The following PNCK variants were observed in gnomAD, a reference collection of about 807,000 sequenced individuals.
PNCK encodes calcium/calmodulin-dependent protein kinase type 1B.
Under a neutral mutation model 28.3 loss-of-function variants are expected in PNCK, and 21 were observed. The observed-to-expected ratio is 0.74, with a 90% CI of 0.53 to 1.07. The LOEUF is 1.07. PNCK is among the 50% of genes least tolerant of loss of function. PNCK has a pLI of 0.00. For synonymous variants in PNCK, 136 were observed against 125.2 expected (o/e 1.09, Z -0.58); for missense variants, 250 against 298.3 (o/e 0.84, Z 1.19).
intron 1 of PNCK, chrX:153,686,397 T>C (rs1238416453): frequency 9.0e-6 from 1 of 110,876 alleles, no homozygotes; most frequent in Non-Finnish European, 1.9e-5. Flanking sequence ...GGCCGTGGCC[T>C]GCACTCTCCC....
intron 1 of PNCK, among the ~76,000 whole-genome samples, chrX:153,680,961 G>A (rs1181792709): frequency 2.8e-5 from 3 of 106,680 alleles, no homozygotes; most frequent in Admixed American, 9.9e-5. Context: ...CCCAGGAGGC[G>A]GAGGTTGCAG....
rs782717085 is a variant in PNCK, at chrX:153,672,179, G to A, written c.222C>T (p.Val74=). 7 of 1,204,378 alleles carry A rather than the reference G, an allele frequency of 5.8e-6. No individual in the cohort carries two copies. Among genetic ancestry groups the A allele is most frequent in the South Asian group, 3.6e-5 (2 of 55,522 alleles). ...GGCTCTCGTGGACATCCTCCAGAGC[G>A]ACGATGTTGGGGTGACTGATCCTGC... ...VLRRISHPNI[V]ALEDVHESPS... The change falls in exon 4 of 12, where the codon GTC becomes GTT. Residue 74 remains valine (V), a synonymous_variant. Coordinates refer to ENST00000340888, the MANE Select transcript of PNCK (RefSeq NM_001366977.1).
upstream of PNCK, among the ~76,000 whole-genome samples, chrX:153,676,878 A>C (rs2091368632): frequency 9.1e-6 from 1 of 110,057 alleles, no homozygotes; most frequent in African/African-American, 3.3e-5. Context: ...AAAAAAAAAA[A>C]AGAAAGAAAG....
At position 153,671,307 on chromosome X, in the gene PNCK, G is replaced by C. The variant is rs2091295590; in HGVS notation, c.592C>G (p.Leu198Val). 7.4e-6 allele frequency: 9 copies of C among 1,210,590 alleles called. No individual in the cohort carries two copies. In the East Asian group the frequency reaches 2.1e-4, roughly 28 times the overall value. ...PYGKAVDVWALGVISYILLCG... is the reference protein window; with the variant it reads ...PYGKAVDVWAVGVISYILLCG... Reference sequence around the variant, plus strand: ...CACAGGATGTAGGAGATGACGCCCAGGGCCCACACATCTACGGCCTTCCCG... The same window carrying C: ...CACAGGATGTAGGAGATGACGCCCACGGCCCACACATCTACGGCCTTCCCG... The change falls in exon 7 of 12, where the codon CTG (leucine) becomes GTG (valine). Residue 198 changes from leucine to valine, a missense_variant. Transcript: ENST00000340888.
upstream of PNCK, among the ~76,000 whole-genome samples, chrX:153,677,091 C>T (rs944438631): frequency 2.3e-4 from 25 of 110,528 alleles, no homozygotes; most frequent in Admixed American, 1.9e-4. Context: ...AGGCACCCGC[C>T]ACCACGCTGG....
chrX:153,670,433 G>T lies in PNCK; in HGVS notation c.*7+17C>A. ...AAGGAGCCAGCTCCTGGGCGTGCAG[G>T]GTCCACCCAAACACACCTGGGCATC... On this transcript the variant is annotated intron_variant, in intron 11 of 11. Coordinates refer to ENST00000340888, the MANE Select transcript of PNCK (RefSeq NM_001366977.1). 8.3e-7 allele frequency: 1 copy of T among 1,211,018 alleles called. No homozygotes were observed. Among genetic ancestry groups the T allele is most frequent in the Non-Finnish European group, 1.1e-6 (1 of 895,286 alleles).
At chrX:153,680,328 T>C (rs2091389697) in intron 1 of PNCK, among the ~76,000 whole-genome samples, 1 of 104,873 alleles carries the variant, frequency 9.5e-6, no homozygotes, top group Non-Finnish European at 1.9e-5. Context: ...TCTGAGTCCA[T>C]ACGAGATCTG....
chrX:153,685,894 G>A (rs2091416841), intron 1 of PNCK, among the ~76,000 whole-genome samples: 1 of 112,731 alleles, frequency 8.9e-6, no homozygotes, highest in Admixed American at 9.3e-5. Flanking sequence ...CCTGGCCCAG[G>A]GGCTGGTAGT....
upstream of PNCK, among the ~76,000 whole-genome samples, chrX:153,679,487 G>A (rs993913952): frequency 9.2e-6 from 1 of 108,267 alleles, no homozygotes; most frequent in Non-Finnish European, 1.9e-5. Flanking sequence ...CTTTGGAGAG[G>A]CATCTGTTCA....
At chrX:153,677,025 C>T (rs782016951), upstream of PNCK, among the ~76,000 whole-genome samples, 2 of 111,618 alleles carry the variant, frequency 1.8e-5, no homozygotes, top group African/African-American at 6.5e-5. Flanking sequence ...CTACGACCTC[C>T]GCCTCCTGGG....
chrX:153,675,996 T>C (rs1352573277), upstream of PNCK, among the ~76,000 whole-genome samples: 1 of 103,499 alleles, frequency 9.7e-6, no homozygotes. Flanking sequence ...TCTTTTTTTT[T>C]TTTTTTTTTT....
chrX:153,671,208 A>G lies in PNCK; in HGVS notation c.615-18T>C, dbSNP rs1557039682. The stretch of plus-strand genomic sequence containing the variant: ...CACACAGCCTGGCACCCACAGATGA[A>G]TCATCCAGCTGTCCCACCCTCCCCA... On this transcript the variant is annotated intron_variant, in intron 7 of 11. Transcript: ENST00000340888. The G allele has an allele frequency of 2.5e-6, 3 of 1,211,199 alleles. No homozygotes were observed. The highest frequency in any genetic ancestry group is 2.2e-6 in the Non-Finnish European group (2 of 895,002).
upstream of PNCK, among the ~76,000 whole-genome samples, chrX:153,676,631 A>AGGAG (rs2091367474): frequency 3.6e-5 from 4 of 111,871 alleles, no homozygotes; most frequent in African/African-American, 1.3e-4. Flanking sequence ...TGGGAGGCCA[A>AGGAG]GGTGGGCAAA....
upstream of PNCK, among the ~76,000 whole-genome samples, chrX:153,677,727 AGT>A (rs2091376035): frequency 1.0e-5 from 1 of 97,483 alleles, no homozygotes; most frequent in African/African-American, 4.1e-5. Flanking sequence ...GCATATATAT[AGT>A]GTATATATAG....
At chrX:153,675,981 TC>T (rs1201503761), upstream of PNCK, among the ~76,000 whole-genome samples, 7 of 101,832 alleles carry the variant, frequency 6.9e-5, no homozygotes, top group African/African-American at 2.7e-4. Context: ...TTCTTTTTTT[TC>T]TTTTCTTTTT....
chrX:153,674,124 C>A (rs782417452), upstream of PNCK: 1 of 1,210,300 alleles, frequency 8.3e-7, no homozygotes, highest in Non-Finnish European at 1.1e-6. Flanking sequence ...CTGCCTTCAC[C>A]GCCTCTCCGA....
chrX:153,685,399 A>G (rs2091414442), intron 1 of PNCK, among the ~76,000 whole-genome samples: 1 of 109,284 alleles, frequency 9.2e-6, no homozygotes, highest in African/African-American at 3.3e-5. Context: ...TGTGACAGAG[A>G]CCAGAGCTCC....
chrX:153,680,992 G>A (rs1026499897), intron 1 of PNCK, among the ~76,000 whole-genome samples: 4 of 97,030 alleles, frequency 4.1e-5, no homozygotes, highest in Admixed American at 1.1e-4. Context: ...TCACACAACT[G>A]TCCGCCCGCC....
chrX:153,686,139 C>T (rs1257832880), intron 1 of PNCK, among the ~76,000 whole-genome samples: 2 of 109,881 alleles, frequency 1.8e-5, no homozygotes, highest in Non-Finnish European at 3.8e-5. Context: ...GCCTGGCCAC[C>T]TCGCCCTCTG....
Sources: allele counts gnomAD v4.1 joint callset (sites outside exome capture counted in the v4.1 genomes callset), GRCh38; gene constraint gnomAD v4.1.1; transcripts MANE v1.5; gene names NCBI Gene and HGNC (gene_info 2026-07-23, HGNC 2026-07-21).